Variants in DAAM1 observed in about 807,000 individuals in gnomAD.
DAAM1 encodes dishevelled associated activator of morphogenesis 1.
A neutral mutation model predicts 130.0 loss-of-function variants in DAAM1; 52 were observed. The ratio of observed to expected loss-of-function variants is 0.40; its 90% CI spans 0.32 to 0.50. The LOEUF (loss-of-function observed/expected upper bound fraction) is 0.50. Ranked by LOEUF, DAAM1 falls within the 20% of genes least tolerant of loss-of-function variation. The pLI is 0.61. For synonymous variants in DAAM1, 452 were observed against 444.5 expected, an observed-to-expected ratio of 1.02 and a Z score of -0.21; for missense variants, 1,134 against 1,303.8, an observed-to-expected ratio of 0.87 and a Z score of 2.01.
intron 1 of DAAM1, among the ~76,000 whole-genome samples, chr14:59,226,449 A>G (rs898572716): frequency 2.0e-5 from 3 of 152,194 alleles, no homozygotes; most frequent in Non-Finnish European, 4.4e-5. Context: ...TGGAAAGCAT[A>G]GGAGACTTTG....
intron 15 of DAAM1, among the ~76,000 whole-genome samples, chr14:59,337,985 T>A (rs1885694156): frequency 6.6e-6 from 1 of 152,188 alleles, no homozygotes; most frequent in Non-Finnish European, 1.5e-5. Flanking sequence ...TTTCCTCAAG[T>A]TGATGGGATT....
At chr14:59,263,181 AGT>A (rs917182868) in intron 1 of DAAM1, among the ~76,000 whole-genome samples, 8 of 152,160 alleles carry the variant, frequency 5.3e-5, no homozygotes, top group Admixed American at 3.9e-4. Context: ...GTGTGATTAG[AGT>A]GTATGTTGTC....
intron 17 of DAAM1, among the ~76,000 whole-genome samples, chr14:59,350,765 G>T (rs4901918): frequency 0.13 from 19,925 of 152,000 alleles, 1,630 homozygotes; most frequent in East Asian, 0.36. Context: ...AGCCACGCAG[G>T]CCTCTCTGGC....
At chr14:59,313,979 G>A (rs2139603667) in intron 3 of DAAM1, among the ~76,000 whole-genome samples, 1 of 152,290 alleles carries the variant, frequency 6.6e-6, no homozygotes, top group South Asian at 2.1e-4. Context: ...AGCTTTTAAG[G>A]CACTGTAAGC....
At chr14:59,348,099 A>G (rs148960672) in intron 17 of DAAM1, among the ~76,000 whole-genome samples, 2,041 of 152,366 alleles carry the variant, frequency 0.013, 22 homozygotes, top group Middle Eastern at 0.037. Context: ...CTAAATACAC[A>G]TACGTGTCAC....
intron 3 of DAAM1, among the ~76,000 whole-genome samples, chr14:59,304,379 C>A (rs1211353415): frequency 6.6e-6 from 1 of 152,172 alleles, no homozygotes; most frequent in African/African-American, 2.4e-5. Context: ...CTTTGAGCTT[C>A]TAGTATGTTA....
chr14:59,368,272 T>C (rs954362979), intron 24 of DAAM1, among the ~76,000 whole-genome samples: 6 of 152,196 alleles, frequency 3.9e-5, no homozygotes, highest in Non-Finnish European at 8.8e-5. Flanking sequence ...GCCTTTGATA[T>C]AAGGAAAATG....
At chr14:59,321,934 C>T (rs1885024515) in intron 5 of DAAM1, among the ~76,000 whole-genome samples, 1 of 152,102 alleles carries the variant, frequency 6.6e-6, no homozygotes, top group African/African-American at 2.4e-5. Flanking sequence ...TTAATATGTA[C>T]ATGTGCATTG....
chr14:59,295,026 A>G (rs567550240), intron 3 of DAAM1, among the ~76,000 whole-genome samples: 1 of 152,342 alleles, frequency 6.6e-6, no homozygotes, highest in South Asian at 2.1e-4. Context: ...CCTTATTAGT[A>G]TCCAGAAAAA....
chr14:59,367,786 T>A (rs185960333), intron 24 of DAAM1, among the ~76,000 whole-genome samples, 187 bp downstream of exon 24: 3 of 149,734 alleles, frequency 2.0e-5, no homozygotes, highest in African/African-American at 7.3e-5. Flanking sequence ...TTCAAAGCCT[T>A]AAAAAAAAAA....
At chr14:59,236,551 C>G (rs1164766674) in intron 1 of DAAM1, among the ~76,000 whole-genome samples, 1 of 152,084 alleles carries the variant, frequency 6.6e-6, no homozygotes, top group Admixed American at 6.6e-5. Flanking sequence ...ATTTTCAGTG[C>G]CATCTTCCCA....
chr14:59,230,149 C>A (rs919833619), intron 1 of DAAM1, among the ~76,000 whole-genome samples: 1 of 152,072 alleles, frequency 6.6e-6, no homozygotes, highest in Non-Finnish European at 1.5e-5. Context: ...CCTGGGTGTG[C>A]CTCTTACCAC....
At position 59,359,493 on chromosome 14, in the gene DAAM1, T is replaced by A; in HGVS notation, c.2622T>A (p.Ala874=). 1 of 1,613,030 alleles carries A rather than the reference T, an allele frequency of 6.2e-7. No individual in the cohort carries two copies. Among genetic ancestry groups the A allele is most frequent in the Non-Finnish European group, 8.5e-7 (1 of 1,179,118 alleles). Residue 874 remains alanine, a synonymous_variant, in exon 21 of 25, where the codon GCT becomes GCA. Coordinates refer to ENST00000360909, the MANE Select transcript of DAAM1 (RefSeq NM_001270520.2). ...AAGAATTGCGAGATATTCCTCAAGC[T>A]GCGAAAGTAAAGTAAGTACTTACAG... ...LNEELRDIPQ[A]AKVNMTELDK...
At chr14:59,255,491 G>A (rs772453445) in intron 1 of DAAM1, among the ~76,000 whole-genome samples, 6 of 152,160 alleles carry the variant, frequency 3.9e-5, no homozygotes, top group Non-Finnish European at 8.8e-5. Flanking sequence ...AAGGAGAGAA[G>A]CAAAGTAGTT....
At chr14:59,212,574 A>T (rs191522865) in intron 1 of DAAM1, among the ~76,000 whole-genome samples, 1 of 152,160 alleles carries the variant, frequency 6.6e-6, no homozygotes, top group African/African-American at 2.4e-5. Flanking sequence ...CCCACTTCCT[A>T]TTCCTTCCAC....
intron 20 of DAAM1, among the ~76,000 whole-genome samples, chr14:59,356,911 C>A (rs890777667): frequency 5.9e-5 from 9 of 152,232 alleles, no homozygotes; most frequent in African/African-American, 1.9e-4. Context: ...GCAGCGCCCA[C>A]ACCTTATACA....
intron 1 of DAAM1, among the ~76,000 whole-genome samples, chr14:59,237,961 A>G (rs1035234659): frequency 3.9e-5 from 6 of 152,220 alleles, no homozygotes; most frequent in Admixed American, 6.6e-5. Context: ...GCTCCCTCAG[A>G]TCTTTCCATC....
intron 4 of DAAM1, among the ~76,000 whole-genome samples, chr14:59,317,932 A>T (rs566154645): frequency 1.3e-5 from 2 of 152,298 alleles, no homozygotes; most frequent in East Asian, 3.9e-4. Flanking sequence ...GAGATGGGAT[A>T]GGCTTCTGTT....
At chr14:59,339,286 AATTG>A (rs1885754645) in intron 15 of DAAM1, among the ~76,000 whole-genome samples, 1 of 152,232 alleles carries the variant, frequency 6.6e-6, no homozygotes, top group Admixed American at 6.5e-5. Context: ...TAACGTTTTT[AATTG>A]ATTCTCACTG....
Sources: allele counts gnomAD v4.1 joint callset (sites outside exome capture counted in the v4.1 genomes callset), GRCh38; gene constraint gnomAD v4.1.1; transcripts MANE v1.5; gene names NCBI Gene and HGNC (gene_info 2026-07-23, HGNC 2026-07-21).